The following TYW1 variants were observed in gnomAD, a reference collection of about 807,000 sequenced individuals.
TYW1 encodes the protein S-adenosyl-L-methionine-dependent tRNA 4-demethylwyosine synthase TYW1.
Under a neutral mutation model 96.2 loss-of-function variants are expected in TYW1, and 46 were observed. The observed-to-expected ratio is 0.48, with a 90% CI of 0.38 to 0.61. The LOEUF (loss-of-function observed/expected upper bound fraction) is 0.61, where lower values mean the gene tolerates loss of function less well. TYW1 is among the 20% of genes least tolerant of loss of function. The pLI is 0.00. For synonymous variants in TYW1, 274 were observed against 323.0 expected (o/e 0.85, Z 1.63); for missense variants, 684 against 909.6 (o/e 0.75, Z 3.19).
At chr7:67,060,933 T>G (rs961754666) in intron 9 of TYW1, among the ~76,000 whole-genome samples, 2 of 152,042 alleles carry the variant, frequency 1.3e-5, no homozygotes, top group Non-Finnish European at 2.9e-5. Context: ...TTCTTAAAAT[T>G]TATCCAGTTT....
At chr7:67,165,949 G>A (rs1297001153) in intron 13 of TYW1, among the ~76,000 whole-genome samples, 1 of 151,498 alleles carries the variant, frequency 6.6e-6, no homozygotes, top group Non-Finnish European at 1.5e-5. Flanking sequence ...ATAAAATAAA[G>A]ACTTTTTAGG....
chr7:67,118,878 GAAAAAAA>G (rs60194362), intron 13 of TYW1, among the ~76,000 whole-genome samples: 1 of 72,264 alleles, frequency 1.4e-5, no homozygotes, highest in Non-Finnish European at 3.1e-5. Flanking sequence ...ACCCCTATCT[GAAAAAAA>G]AAAAAAAAAA....
intron 13 of TYW1, among the ~76,000 whole-genome samples, chr7:67,131,801 C>G (rs1798082121): frequency 6.6e-6 from 1 of 152,120 alleles, no homozygotes; most frequent in Non-Finnish European, 1.5e-5. Context: ...CCTGAGAGCC[C>G]CTGGCAAACC....
At chr7:67,001,895 G>A (rs974255721) in intron 3 of TYW1, among the ~76,000 whole-genome samples, 58 of 152,042 alleles carry the variant, frequency 3.8e-4, no homozygotes, top group African/African-American at 1.3e-3. Context: ...TTAGCTGGGC[G>A]TGGTGGTGCA....
At chr7:67,129,675 A>G (rs1353442399) in intron 13 of TYW1, among the ~76,000 whole-genome samples, 3 of 152,196 alleles carry the variant, frequency 2.0e-5, no homozygotes, top group African/African-American at 7.2e-5. Flanking sequence ...TTCTTGCTGC[A>G]TTGGAAACTA....
rs557258250 is a variant in TYW1, at chr7:67,218,771, G to A, written c.1978-19537G>A. The stretch of plus-strand genomic sequence containing the variant: ...TAACTTTGTATCCTGCCACTTTGCT[G>A]AATTCCTTTATTAGTTTAAACAGTT... On this transcript the variant is annotated intron_variant, in intron 15 of 15. Coordinates refer to ENST00000359626, the MANE Select transcript of TYW1 (RefSeq NM_018264.4). Among the ~76,000 whole-genome samples, 3 of 152,256 alleles carry A rather than the reference G, an allele frequency of 2.0e-5. No individual in the cohort carries two copies. In the East Asian group the frequency reaches 5.8e-4, roughly 29 times the overall value.
At chr7:67,125,608 A>G (rs2116024186) in intron 13 of TYW1, among the ~76,000 whole-genome samples, 1 of 152,176 alleles carries the variant, frequency 6.6e-6, no homozygotes. Context: ...ATTAGGGTTC[A>G]TTGTTGTGGT....
intron 9 of TYW1, among the ~76,000 whole-genome samples, chr7:67,062,676 A>G (rs1469938836): frequency 6.6e-6 from 1 of 152,118 alleles, no homozygotes; most frequent in Admixed American, 6.5e-5. Flanking sequence ...GCTGCAAACA[A>G]TTTTATGTTA....
intron 11 of TYW1, among the ~76,000 whole-genome samples, chr7:67,083,768 C>G (rs2115775551): frequency 6.6e-6 from 1 of 152,372 alleles, no homozygotes; most frequent in South Asian, 2.1e-4. Context: ...GGTGTGCTGG[C>G]TCACGCCTGT....
At position 67,080,940 on chromosome 7, in the gene TYW1, G is replaced by GTTTTTTTTTTTTTTTTTTTTTTTT. The variant is rs71049495; in HGVS notation, c.1275-2486_1275-2463dup. 2.4e-4 allele frequency among the ~76,000 whole-genome samples: 9 copies of GTTTTTTTTTTTTTTTTTTTTTTTT among 37,250 alleles called. 1 individual carries two copies. The highest frequency in any genetic ancestry group is 3.9e-4 in the Non-Finnish European group (8 of 20,740). 24.4% of individuals were successfully genotyped at this position (37,250 alleles called of 152,430 possible). Reference sequence around the variant, plus strand: ...TGTATATTGTTTTTGCTTTCTTACTGTTTTTTTTTTTTTTTTTTTTTTTTT... The same window carrying GTTTTTTTTTTTTTTTTTTTTTTTT: ...TGTATATTGTTTTTGCTTTCTTACTGTTTTTTTTTTTTTTTTTTTTTTTTTTTTTTTTTTTTTTTTTTTTTTTTT... On this transcript the variant is annotated intron_variant, in intron 10 of 15. Coordinates refer to ENST00000359626, the MANE Select transcript of TYW1 (RefSeq NM_018264.4).
At chr7:67,136,677 GTGTGTGTGTATA>G (rs919886336) in intron 13 of TYW1, among the ~76,000 whole-genome samples, 24 of 141,168 alleles carry the variant, frequency 1.7e-4, no homozygotes, top group African/African-American at 6.5e-4. Context: ...GTGTGTGTGT[GTGTGTGTGTATA>G]TATATATATG....
chr7:67,207,260 A>G (rs1049117030), intron 15 of TYW1, among the ~76,000 whole-genome samples: 7 of 152,196 alleles, frequency 4.6e-5, no homozygotes, highest in East Asian at 1.9e-4. Context: ...CCGTGTGCTT[A>G]GTGGATCAAT....
intron 13 of TYW1, among the ~76,000 whole-genome samples, chr7:67,155,593 C>G (rs1563044985): frequency 6.6e-6 from 1 of 151,928 alleles, no homozygotes. Context: ...TGCTCTGTCA[C>G]CCAGGCTGGA....
At chr7:67,034,040 T>G (rs1446865288) in intron 7 of TYW1, among the ~76,000 whole-genome samples, 1 of 151,928 alleles carries the variant, frequency 6.6e-6, no homozygotes, top group Non-Finnish European at 1.5e-5. Flanking sequence ...GATATGTCTT[T>G]GAAAATTTTT....
intron 9 of TYW1, 37 bp from the exon 10 acceptor site, chr7:67,067,248 A>G (rs2711910): frequency 0.4 from 646,154 of 1,600,124 alleles, 133,223 homozygotes; most frequent in African/African-American, 0.48. Flanking sequence ...GTGCTTTGAC[A>G]ATTTTATTCA....
At chr7:67,083,359 A>T in intron 10 of TYW1, 71 bp from the exon 11 acceptor site, 3 of 1,460,938 alleles carry the variant, frequency 2.1e-6, no homozygotes, top group Non-Finnish European at 2.8e-6. Context: ...AAAATGGATG[A>T]CTTCATCATA....
At chr7:67,084,102 C>T (rs1796468162) in intron 11 of TYW1, among the ~76,000 whole-genome samples, 2 of 152,296 alleles carry the variant, frequency 1.3e-5, no homozygotes, top group South Asian at 4.1e-4. Context: ...GAAAGCTTTA[C>T]CTGGGAATGT....
intron 13 of TYW1, among the ~76,000 whole-genome samples, chr7:67,128,979 G>A (rs1245122913): frequency 2.0e-5 from 3 of 152,098 alleles, no homozygotes; most frequent in Non-Finnish European, 4.4e-5. Context: ...GTGAGCCACC[G>A]CGCCCAGTCT....
At chr7:67,010,825 C>T (rs1793772218) in intron 4 of TYW1, among the ~76,000 whole-genome samples, 1 of 151,872 alleles carries the variant, frequency 6.6e-6, no homozygotes, top group Non-Finnish European at 1.5e-5. Flanking sequence ...AGGTGGGTCT[C>T]GAACTCCTGG....
Sources: allele counts gnomAD v4.1 joint callset (sites outside exome capture counted in the v4.1 genomes callset), GRCh38; gene constraint gnomAD v4.1.1; transcripts MANE v1.5; gene names NCBI Gene and HGNC (gene_info 2026-07-23, HGNC 2026-07-21).